ANTXR1: variants seen among roughly 807,000 people sequenced by gnomAD.
ANTXR1 encodes the protein anthrax toxin receptor 1.
ANTXR1 carries 19 observed loss-of-function variants against 78.1 expected under a neutral mutation model. The ratio of observed to expected loss-of-function variants is 0.24; its 90% confidence interval spans 0.17 to 0.36. The LOEUF is 0.36. Ranked by LOEUF, ANTXR1 falls within the 10% of genes least tolerant of loss-of-function variation. ANTXR1 has a pLI of 1.00. For synonymous variants in ANTXR1, 273 were observed against 260.5 expected (o/e 1.05, Z -0.46); for missense variants, 518 against 718.6 (o/e 0.72, Z 3.19).
chr2:69,013,317 G>A lies in ANTXR1; in HGVS notation c.-183G>A. ...AAACCCGAAACCCAGAAACAGCATCGGAGCGGAAACCAGAGGGGAAACCTT... is the reference window on the plus strand; with the variant it reads ...AAACCCGAAACCCAGAAACAGCATCAGAGCGGAAACCAGAGGGGAAACCTT... On this transcript the variant is annotated 5_prime_UTR_variant, in exon 1 of 18. Coordinates refer to ENST00000303714, the MANE Select transcript of ANTXR1 (RefSeq NM_032208.3). This position sits in a 1 kb window ranked among gnomAD's most constrained non-coding sequence, Gnocchi z 5.0. 1.3e-6 allele frequency: 1 copy of A among 788,650 alleles called. No individual in the cohort carries two copies. Among genetic ancestry groups the A allele is most frequent in the Non-Finnish European group, 2.0e-6 (1 of 489,486 alleles). 48.9% of individuals were successfully genotyped at this position (788,650 alleles called of 1,614,324 possible). A position where few individuals can be genotyped will look rare whatever the true frequency, so the allele number is the denominator to read the frequency against.
intron 12 of ANTXR1, among the ~76,000 whole-genome samples, chr2:69,126,021 TG>T (rs1196913553): frequency 1.3e-5 from 2 of 152,172 alleles, no homozygotes; most frequent in Non-Finnish European, 2.9e-5. Flanking sequence ...CGTTGGCCTT[TG>T]GAAGCTGTGT....
At chr2:69,196,429 A>G (rs1042349349) in intron 17 of ANTXR1, among the ~76,000 whole-genome samples, 5 of 152,394 alleles carry the variant, frequency 3.3e-5, no homozygotes, top group African/African-American at 9.6e-5. Flanking sequence ...CACGATGTAC[A>G]CATGGAGTTA....
intron 1 of ANTXR1, among the ~76,000 whole-genome samples, chr2:69,025,589 G>GGTCT (rs1279506806): frequency 6.6e-6 from 1 of 152,040 alleles, no homozygotes; most frequent in Non-Finnish European, 1.5e-5. Flanking sequence ...GCAGATTCCA[G>GGTCT]GTCTGCAGAA....
intron 9 of ANTXR1, among the ~76,000 whole-genome samples, chr2:69,096,412 A>G (rs1671430206): frequency 6.7e-6 from 1 of 148,350 alleles, no homozygotes; most frequent in Non-Finnish European, 1.5e-5. Flanking sequence ...AAGGAAATCA[A>G]AAAGAATTCC....
chr2:69,102,383 C>A (rs1671649401), intron 9 of ANTXR1, among the ~76,000 whole-genome samples: 1 of 152,206 alleles, frequency 6.6e-6, no homozygotes, highest in Non-Finnish European at 1.5e-5. Flanking sequence ...AATGTAGGCA[C>A]CGTGGGCTCT....
chr2:69,197,828 T>C (rs887447464), intron 17 of ANTXR1, among the ~76,000 whole-genome samples: 2 of 152,216 alleles, frequency 1.3e-5, no homozygotes, highest in East Asian at 1.9e-4. Flanking sequence ...ATTTAGAATG[T>C]TCTGAGAAAG....
intron 1 of ANTXR1, among the ~76,000 whole-genome samples, chr2:69,026,396 T>G (rs1252245978): frequency 6.6e-6 from 1 of 152,234 alleles, no homozygotes; most frequent in Non-Finnish European, 1.5e-5. Context: ...CACATAAGGT[T>G]GTGCTCAGAA....
chr2:69,035,407 T>C (rs1488494377), intron 1 of ANTXR1, among the ~76,000 whole-genome samples: 1 of 152,198 alleles, frequency 6.6e-6, no homozygotes, highest in Non-Finnish European at 1.5e-5. Flanking sequence ...GCTAGGACAA[T>C]GCCTGCATGT....
chr2:69,066,710 G>A (rs1055821793), intron 3 of ANTXR1, among the ~76,000 whole-genome samples: 6 of 152,190 alleles, frequency 3.9e-5, no homozygotes, highest in African/African-American at 1.4e-4. Flanking sequence ...TGAATGATGG[G>A]TGAATGCACC....
In ANTXR1 at chr2:69,245,278, A is replaced by G. The variant is rs1027741018; in HGVS notation, c.1488A>G (p.Pro496=). ...RVKNNQPAKY[P]LNNAYHTSSP... ...AGAACAACCAGCCAGCCAAGTACCC[A>G]CTCAACAACGCCTACCACACCTCCT... Residue 496 remains proline, a synonymous_variant, in exon 18 of 18, where the codon CCA becomes CCG. Transcript: ENST00000303714. 7.4e-6 allele frequency: 12 copies of G among 1,613,122 alleles called. No individual in the cohort carries two copies. The highest frequency in any genetic ancestry group is 1.0e-5 in the Non-Finnish European group (12 of 1,179,844).
intron 10 of ANTXR1, among the ~76,000 whole-genome samples, chr2:69,110,526 G>A (rs1558558009): frequency 6.6e-6 from 1 of 152,118 alleles, no homozygotes; most frequent in Non-Finnish European, 1.5e-5. Context: ...GTGGGGAGTG[G>A]GGAATGTTAA....
At chr2:69,120,295 A>G (rs931321216) in intron 10 of ANTXR1, among the ~76,000 whole-genome samples, 32 of 152,256 alleles carry the variant, frequency 2.1e-4, no homozygotes, top group African/African-American at 7.7e-4. Context: ...ATAAAGTCAC[A>G]GTATTGTTTA....
chr2:69,248,468 A>G lies in ANTXR1; in HGVS notation c.*2983A>G, dbSNP rs761889341. On this transcript the variant is annotated 3_prime_UTR_variant, in exon 18 of 18. Coordinates refer to ENST00000303714, the MANE Select transcript of ANTXR1 (RefSeq NM_032208.3). ...GCACAGCATTAATAAGAACCTTGAT[A>G]AGAACCATATTCTGTTGACAGCCAG... 1 of 152,820 alleles carries G rather than the reference A, an allele frequency of 6.5e-6. No homozygotes were observed. Among genetic ancestry groups the G allele is most frequent in the Non-Finnish European group, 1.5e-5 (1 of 68,054 alleles). 9.5% of individuals were successfully genotyped at this position (152,820 alleles called of 1,614,324 possible).
At chr2:69,159,464 C>T (rs985735074) in intron 13 of ANTXR1, among the ~76,000 whole-genome samples, 21 of 151,976 alleles carry the variant, frequency 1.4e-4, no homozygotes, top group African/African-American at 5.1e-4. Flanking sequence ...ATATATGTAA[C>T]ACTACTAAAC....
chr2:69,232,183 CAAGCAG>C (rs1675616661), intron 17 of ANTXR1, among the ~76,000 whole-genome samples: 1 of 151,946 alleles, frequency 6.6e-6, no homozygotes, highest in Non-Finnish European at 1.5e-5. Flanking sequence ...TTCAATAAAG[CAAGCAG>C]ATGAAAAAGT....
chr2:69,044,929 C>A, intron 3 of ANTXR1, 116 bp downstream of exon 3: 3 of 1,039,952 alleles, frequency 2.9e-6, no homozygotes, highest in Non-Finnish European at 4.5e-6. Flanking sequence ...ATAGTTCCTT[C>A]TTTTACCCTA....
intron 14 of ANTXR1, among the ~76,000 whole-genome samples, chr2:69,181,490 T>C (rs1478080416): frequency 6.6e-6 from 1 of 152,144 alleles, no homozygotes; most frequent in South Asian, 2.1e-4. Flanking sequence ...GTCATTAGCA[T>C]GTAGGTGGGG....
chr2:69,180,916 G>T (rs894037890), intron 14 of ANTXR1, among the ~76,000 whole-genome samples: 70 of 152,192 alleles, frequency 4.6e-4, no homozygotes, highest in African/African-American at 1.7e-3. Flanking sequence ...GGTGGGGGAA[G>T]TGCTTTCCTA....
At position 69,170,716 on chromosome 2, in the gene ANTXR1, G is replaced by C. The variant is rs1011704876; in HGVS notation, c.1089+427G>C. On this transcript the variant is annotated intron_variant, in intron 14 of 17. Coordinates refer to ENST00000303714, the MANE Select transcript of ANTXR1 (RefSeq NM_032208.3). ...CAATCATTGGTTCTAGGAATAACCT[G>C]ATGCCCAATTCTTCATTTTTCTTTC... Among the ~76,000 whole-genome samples the C allele has an allele frequency of 3.3e-5, 5 of 152,162 alleles. No individual in the cohort carries two copies. In the East Asian group the frequency reaches 7.7e-4, roughly 23 times the overall value.
Sources: allele counts gnomAD v4.1 joint callset (sites outside exome capture counted in the v4.1 genomes callset), GRCh38; gene constraint gnomAD v4.1.1; non-coding constraint Gnocchi (gnomAD v3.1); transcripts MANE v1.5; gene names NCBI Gene and HGNC (gene_info 2026-07-23, HGNC 2026-07-21).